FOXN3: variants seen among roughly 807,000 people sequenced by gnomAD.
FOXN3 encodes forkhead box protein N3.
FOXN3 carries 7 observed loss-of-function variants against 38.4 expected under a neutral mutation model. That is an observed-to-expected ratio of 0.18 (90% CI 0.10 to 0.34). The LOEUF (loss-of-function observed/expected upper bound fraction) is 0.34. FOXN3 is among the 10% of genes least tolerant of loss of function. The pLI is 1.00. For synonymous variants in FOXN3, 230 were observed against 242.2 expected (o/e 0.95, Z 0.47); for missense variants, 456 against 613.4 (o/e 0.74, Z 2.71).
At chr14:89,387,445 T>C (rs1051388846) in intron 2 of FOXN3, among the ~76,000 whole-genome samples, 3 of 152,142 alleles carry the variant, frequency 2.0e-5, no homozygotes, top group Non-Finnish European at 4.4e-5. Flanking sequence ...TCCTCTCATA[T>C]CAGAGATGAG....
chr14:89,497,052 T>G lies in FOXN3; in HGVS notation c.-14-84562A>C, dbSNP rs147076803. On this transcript the variant is annotated intron_variant, in intron 1 of 6. Transcript: ENST00000345097. ...TTACTGCAACCTCCGCTTCCCGGGT[T>G]CAAGTGATTCTCCTGCCTCAGTCTC... 7.9e-3 allele frequency among the ~76,000 whole-genome samples: 1,203 copies of G among 152,292 alleles called. 18 individuals are homozygous for G. The highest frequency in any genetic ancestry group is 0.021 in the African/African-American group (885 of 41,538).
At chr14:89,246,272 T>C (rs1474062049) in intron 4 of FOXN3, among the ~76,000 whole-genome samples, 1 of 152,172 alleles carries the variant, frequency 6.6e-6, no homozygotes, top group Non-Finnish European at 1.5e-5. Flanking sequence ...AGCTGAGAAC[T>C]GGTGTTTACA....
chr14:89,221,958 G>A (rs1884479233), intron 4 of FOXN3, among the ~76,000 whole-genome samples: 1 of 152,108 alleles, frequency 6.6e-6, no homozygotes, highest in Non-Finnish European at 1.5e-5. Context: ...AAGTAGCTGG[G>A]ACTACAGGCG....
chr14:89,245,702 A>G (rs1001541969), intron 4 of FOXN3, among the ~76,000 whole-genome samples: 2 of 152,238 alleles, frequency 1.3e-5, no homozygotes, highest in African/African-American at 4.8e-5. Flanking sequence ...AAGAGATATA[A>G]AAGAATGCTT....
At chr14:89,371,545 G>A (rs1177638931) in intron 2 of FOXN3, among the ~76,000 whole-genome samples, 18 of 151,932 alleles carry the variant, frequency 1.2e-4, no homozygotes, top group Admixed American at 1.2e-3. Context: ...TGCAACAGCT[G>A]TTGGTCCTCT....
intron 1 of FOXN3, among the ~76,000 whole-genome samples, chr14:89,425,534 AT>A (rs34743828): frequency 0.64 from 94,818 of 147,576 alleles, 30,402 homozygotes; most frequent in Admixed American, 0.67. Context: ...TGCCCGGCTA[AT>A]TTTTTTTTTT....
chr14:89,342,457 G>A (rs2139999170), intron 3 of FOXN3, among the ~76,000 whole-genome samples: 1 of 152,270 alleles, frequency 6.6e-6, no homozygotes, highest in Admixed American at 6.5e-5. Context: ...GACCAACTCA[G>A]GAAATATAAT....
intron 1 of FOXN3, among the ~76,000 whole-genome samples, chr14:89,512,722 A>T (rs1439887295): frequency 6.6e-6 from 1 of 152,268 alleles, no homozygotes; most frequent in Non-Finnish European, 1.5e-5. Context: ...GCTCAAAATA[A>T]TCAATGTGTC....
At chr14:89,397,246 G>A (rs1891122458) in intron 2 of FOXN3, among the ~76,000 whole-genome samples, 1 of 152,008 alleles carries the variant, frequency 6.6e-6, no homozygotes, top group Admixed American at 6.6e-5. Context: ...AGAACACATG[G>A]ACACATAGTA....
In FOXN3 at chr14:89,498,210, C is replaced by CTTTTTT. The variant is rs547081117; in HGVS notation, c.-14-85726_-14-85721dup. Reference sequence around the variant, plus strand: ...TCTGGCTGCTTCTCTCTCTCTCTCTCTTTTTTTTTTTTTTTTTTTTTTTTG... The same window carrying CTTTTTT: ...TCTGGCTGCTTCTCTCTCTCTCTCTCTTTTTTTTTTTTTTTTTTTTTTTTTTTTTTG... On this transcript the variant is annotated intron_variant, in intron 1 of 6. Transcript: ENST00000345097. 1.6e-3 allele frequency among the ~76,000 whole-genome samples: 130 copies of CTTTTTT among 81,036 alleles called. 3 individuals are homozygous for CTTTTTT. Among genetic ancestry groups the CTTTTTT allele is most frequent in the African/African-American group, 2.7e-3 (47 of 17,214 alleles). 53.2% of individuals were successfully genotyped at this position (81,036 alleles called of 152,430 possible). A position where few individuals can be genotyped will look rare whatever the true frequency, so the allele number is the denominator to read the frequency against.
At chr14:89,311,564 T>C (rs559899829) in intron 3 of FOXN3, among the ~76,000 whole-genome samples, 22 of 150,408 alleles carry the variant, frequency 1.5e-4, no homozygotes, top group African/African-American at 2.7e-4. Context: ...CAGTGGCTCA[T>C]GCCTGTAATC....
intron 1 of FOXN3, among the ~76,000 whole-genome samples, chr14:89,503,637 C>T (rs1046956816): frequency 2.6e-5 from 4 of 152,222 alleles, no homozygotes; most frequent in Non-Finnish European, 5.9e-5. Flanking sequence ...GATAGAGCCA[C>T]TTCCCCATCT....
intron 3 of FOXN3, among the ~76,000 whole-genome samples, chr14:89,306,026 C>A (rs1037283052): frequency 2.6e-5 from 4 of 152,208 alleles, no homozygotes; most frequent in African/African-American, 9.6e-5. Context: ...TATGAGAACA[C>A]CACCACCATT....
chr14:89,445,102 G>A (rs1892466206), intron 1 of FOXN3, among the ~76,000 whole-genome samples: 1 of 151,628 alleles, frequency 6.6e-6, no homozygotes, highest in East Asian at 1.9e-4. Flanking sequence ...TGACTACCTA[G>A]GCGACAGAAC....
chr14:89,302,458 C>T (rs1217246821), intron 3 of FOXN3, among the ~76,000 whole-genome samples: 2 of 152,152 alleles, frequency 1.3e-5, no homozygotes, highest in Non-Finnish European at 2.9e-5. Context: ...GTGCTTCCCT[C>T]TTCTTTGAAT....
intron 1 of FOXN3, among the ~76,000 whole-genome samples, chr14:89,554,554 A>G (rs1895074976): frequency 6.6e-6 from 1 of 152,170 alleles, no homozygotes; most frequent in Non-Finnish European, 1.5e-5. Flanking sequence ...TAAAATGGTA[A>G]TATCTGGATA....
chr14:89,421,030 G>GA (rs915529218), upstream of FOXN3, among the ~76,000 whole-genome samples: 100 of 141,074 alleles, frequency 7.1e-4, no homozygotes, highest in Non-Finnish European at 9.9e-4. Context: ...GACTGTTTAA[G>GA]AAAAAAAAAA....
intron 1 of FOXN3, among the ~76,000 whole-genome samples, chr14:89,446,886 G>A (rs1275277325): frequency 6.6e-6 from 1 of 152,198 alleles, no homozygotes; most frequent in Non-Finnish European, 1.5e-5. Context: ...ATCTTGTACA[G>A]ATCTCTATTT....
intron 4 of FOXN3, among the ~76,000 whole-genome samples, chr14:89,249,166 T>C (rs1885381092): frequency 6.6e-6 from 1 of 152,210 alleles, no homozygotes; most frequent in African/African-American, 2.4e-5. Context: ...AGATACACTG[T>C]ACTCACTAAA....
Sources: gnomAD v4.1 joint callset for allele counts (sites outside exome capture counted in the v4.1 genomes callset) on GRCh38, gnomAD v4.1.1 for gene constraint, MANE v1.5 for transcripts, NCBI Gene and HGNC (gene_info 2026-07-23, HGNC 2026-07-21) for gene names.